The following SUSD4 variants were observed in gnomAD, a reference collection of about 807,000 sequenced individuals.
SUSD4 encodes the protein sushi domain containing 4.
SUSD4 carries 41 observed loss-of-function variants against 50.5 expected under a neutral mutation model. That is an observed-to-expected ratio of 0.81 (90% CI 0.63 to 1.05). The LOEUF (loss-of-function observed/expected upper bound fraction) is 1.05, where lower values mean the gene tolerates loss of function less well. Ranked by LOEUF, SUSD4 falls within the 50% of genes least tolerant of loss-of-function variation. The pLI, the probability that SUSD4 is intolerant of heterozygous loss-of-function variation, is 0.00. For synonymous variants in SUSD4, 257 were observed against 257.3 expected (o/e 1.00, Z 0.01); for missense variants, 580 against 634.7 (o/e 0.91, Z 0.93).
At chr1:223,236,792 C>T (rs145575785) in intron 5 of SUSD4, among the ~76,000 whole-genome samples, 5 of 152,180 alleles carry the variant, frequency 3.3e-5, no homozygotes, top group African/African-American at 7.2e-5. Context: ...CAATGTCAGT[C>T]CTCCCACTTT....
chr1:223,364,295 G>A (rs1244536408), upstream of SUSD4: 1 of 142,298 alleles, frequency 7.0e-6, no homozygotes, highest in African/African-American at 2.5e-5. This position sits in a 1 kb window ranked among gnomAD's most constrained non-coding sequence, Gnocchi z 4.5. Context: ...AGGCGCCCGC[G>A]CGCCCGCTAC....
intron 5 of SUSD4, among the ~76,000 whole-genome samples, chr1:223,246,370 G>T (rs185608419): frequency 6.6e-6 from 1 of 152,272 alleles, no homozygotes; most frequent in East Asian, 1.9e-4. Flanking sequence ...TCTGCAGTGA[G>T]TTGGGGAGTA....
intron 5 of SUSD4, among the ~76,000 whole-genome samples, chr1:223,235,592 G>A (rs551479418): frequency 4.3e-4 from 56 of 130,112 alleles, no homozygotes; most frequent in African/African-American, 1.6e-3. Flanking sequence ...TTTCCAAAAT[G>A]TCATATAGTT....
upstream of SUSD4, chr1:223,364,196 AGCTCCCCCGCCCGCGC>A (rs1669182123): frequency 6.6e-6 from 1 of 150,472 alleles, no homozygotes; most frequent in Non-Finnish European, 1.5e-5. This position sits in a 1 kb window ranked among gnomAD's most constrained non-coding sequence, Gnocchi z 4.5. Context: ...GCTCGGCTCC[AGCTCCCCCGCCCGCGC>A]GCTCCCTCCC....
chr1:223,278,895 C>T (rs1663479930), intron 3 of SUSD4, among the ~76,000 whole-genome samples: 1 of 152,204 alleles, frequency 6.6e-6, no homozygotes, highest in Admixed American at 6.5e-5. Context: ...CAGGTAGGAA[C>T]ATTTGCTGTT....
At position 223,231,729 on chromosome 1, in the gene SUSD4, C is replaced by T. The variant is rs1381814728; in HGVS notation, c.725-2341G>A. 6.6e-6 allele frequency among the ~76,000 whole-genome samples: 1 copy of T among 152,208 alleles called. No individual in the cohort carries two copies. The highest frequency in any genetic ancestry group is 2.4e-5 in the African/African-American group (1 of 41,462). ...AAGGGCTCTTCTCTCCTTGGAGGCC[C>T]TCCTCCGTGCTGCTTCTCCTCTACT... is the stretch of plus-strand genomic sequence containing the variant. On this transcript the variant is annotated intron_variant, in intron 5 of 8. Transcript: ENST00000366878. The surrounding 1 kb of genome is among the most constrained non-coding windows in gnomAD (Gnocchi z 4.2).
chr1:223,364,987 CT>C (rs1030782226), upstream of SUSD4, among the ~76,000 whole-genome samples: 3 of 152,136 alleles, frequency 2.0e-5, no homozygotes, highest in African/African-American at 7.2e-5. This position sits in a 1 kb window ranked among gnomAD's most constrained non-coding sequence, Gnocchi z 4.5. Context: ...GTGAGGACCC[CT>C]GTCCGGTCTT....
intron 2 of SUSD4, chr1:223,359,052 G>A (rs770859740): frequency 2.1e-6 from 1 of 471,126 alleles, no homozygotes; most frequent in Non-Finnish European, 4.4e-6. Context: ...GCTCAATTCA[G>A]CTGCACTAGG....
chr1:223,363,543 G>T, intron 1 of SUSD4, 83 bp from the exon 2 acceptor site: 1 of 1,334,636 alleles, frequency 7.5e-7, no homozygotes, highest in Non-Finnish European at 9.8e-7. Flanking sequence ...TCTGGGACCC[G>T]GCGCCTCGGC....
At chr1:223,327,096 T>C (rs1224075292) in intron 2 of SUSD4, among the ~76,000 whole-genome samples, 1 of 152,188 alleles carries the variant, frequency 6.6e-6, no homozygotes, top group Non-Finnish European at 1.5e-5. Context: ...CCAACCCAAG[T>C]GTCCACTGAT....
At chr1:223,355,596 A>C (rs1443954103) in intron 2 of SUSD4, among the ~76,000 whole-genome samples, 1 of 152,212 alleles carries the variant, frequency 6.6e-6, no homozygotes, top group Non-Finnish European at 1.5e-5. Context: ...TTATAAATGT[A>C]ATCAGACCCC....
At chr1:223,284,778 T>C (rs949921308) in intron 3 of SUSD4, among the ~76,000 whole-genome samples, 2 of 152,156 alleles carry the variant, frequency 1.3e-5, no homozygotes, top group Non-Finnish European at 1.5e-5. Context: ...AGTTAAACAC[T>C]GCATGTTCTC....
chr1:223,272,931 A>G (rs764546640), intron 3 of SUSD4, among the ~76,000 whole-genome samples: 5 of 152,222 alleles, frequency 3.3e-5, no homozygotes, highest in Non-Finnish European at 5.9e-5. Context: ...GCAAATTAAC[A>G]GCTAAAGGTG....
intron 2 of SUSD4, among the ~76,000 whole-genome samples, chr1:223,352,917 G>C (rs1420801025): frequency 6.6e-6 from 1 of 152,020 alleles, no homozygotes; most frequent in Non-Finnish European, 1.5e-5. Context: ...AGCAGAGCAA[G>C]GGATGCATGG....
chr1:223,278,488 G>A (rs774414972), intron 3 of SUSD4, among the ~76,000 whole-genome samples: 3 of 152,138 alleles, frequency 2.0e-5, no homozygotes, highest in Admixed American at 6.5e-5. Context: ...GTCTGAGATC[G>A]AACTGCAAGG....
intron 3 of SUSD4, among the ~76,000 whole-genome samples, chr1:223,281,825 T>A (rs543464003): frequency 6.6e-6 from 1 of 152,126 alleles, no homozygotes; most frequent in African/African-American, 2.4e-5. Flanking sequence ...TAAACATCGA[T>A]GCAAAAATCC....
At chr1:223,289,456 G>A (rs1006763130) in intron 3 of SUSD4, among the ~76,000 whole-genome samples, 21 of 152,208 alleles carry the variant, frequency 1.4e-4, no homozygotes, top group African/African-American at 4.8e-4. Flanking sequence ...GATGAGGTGG[G>A]AATAAAAGAA....
At chr1:223,283,634 G>A (rs1378246753) in intron 3 of SUSD4, among the ~76,000 whole-genome samples, 1 of 152,232 alleles carries the variant, frequency 6.6e-6, no homozygotes, top group Admixed American at 6.5e-5. Context: ...CTGTTGGTGG[G>A]ACCGTAAACT....
intron 2 of SUSD4, among the ~76,000 whole-genome samples, chr1:223,317,319 A>G (rs1199168542): frequency 1.3e-5 from 2 of 152,228 alleles, no homozygotes; most frequent in African/African-American, 4.8e-5. Context: ...TGGCCTTAAA[A>G]GGGGAAGCAT....
Sources: gnomAD v4.1 joint callset for allele counts (sites outside exome capture counted in the v4.1 genomes callset) on GRCh38, gnomAD v4.1.1 for gene constraint, Gnocchi (gnomAD v3.1) non-coding constraint, MANE v1.5 for transcripts, NCBI Gene and HGNC (gene_info 2026-07-23, HGNC 2026-07-21) for gene names.